Variants in CNIH2 observed in about 807,000 individuals in gnomAD.
CNIH2 encodes the protein cornichon family AMPA receptor auxiliary protein 2, also known as protein cornichon homolog 2.
A neutral mutation model predicts 22.9 loss-of-function variants in CNIH2; 8 were observed. The ratio of observed to expected loss-of-function variants is 0.35; its 90% CI spans 0.20 to 0.63. The LOEUF is 0.63. Among genes scored for constraint, CNIH2 ranks in the 30% least tolerant of loss-of-function variants. The pLI, the probability that CNIH2 is intolerant of heterozygous loss-of-function variation, is 0.72. For synonymous variants in CNIH2, 74 were observed against 78.2 expected, an observed-to-expected ratio of 0.95 and a Z score of 0.28; for missense variants, 105 against 206.2, an observed-to-expected ratio of 0.51 and a Z score of 3.01.
chr11:66,278,806 G>C (rs1485452310), intron 1 of CNIH2, among the ~76,000 whole-genome samples: 1 of 144,658 alleles, frequency 6.9e-6, no homozygotes, highest in African/African-American at 2.6e-5. Context: ...CATGCAGCCC[G>C]TGAGGTGGGG....
At chr11:66,282,573 T>G (rs1857276000) in intron 2 of CNIH2, 160 bp from the exon 3 acceptor site, 2 of 900,816 alleles carry the variant, frequency 2.2e-6, no homozygotes, top group South Asian at 1.6e-5. Context: ...CCTTCCATGG[T>G]GACGGTCGCC....
intron 1 of CNIH2, among the ~76,000 whole-genome samples, chr11:66,281,843 G>C (rs1037641600): frequency 6.6e-6 from 1 of 151,878 alleles, no homozygotes; most frequent in African/African-American, 2.4e-5. Flanking sequence ...ACAGGGTTAA[G>C]CGCCCACTCC....
At chr11:66,280,363 C>G (rs1236571226) in intron 1 of CNIH2, among the ~76,000 whole-genome samples, 1 of 152,240 alleles carries the variant, frequency 6.6e-6, no homozygotes, top group Non-Finnish European at 1.5e-5. Flanking sequence ...TCATTTGTCC[C>G]AAGTCTGGTT....
At chr11:66,279,491 C>T (rs1241777113) in intron 1 of CNIH2, among the ~76,000 whole-genome samples, 1 of 151,696 alleles carries the variant, frequency 6.6e-6, no homozygotes, top group Non-Finnish European at 1.5e-5. Context: ...ACAGCCTGCC[C>T]AGCTCGGCCC....
chr11:66,283,631 G>A lies in CNIH2; in HGVS notation c.*34G>A. ...CCGGCCAGGGAGCGAGCCCAGAACG[G>A]ACCGGACGCCTGTGCACCCCCAGCC... On this transcript the variant is annotated 3_prime_UTR_variant, in exon 6 of 6. Coordinates refer to ENST00000311445, the MANE Select transcript of CNIH2 (RefSeq NM_182553.3). The A allele has an allele frequency of 6.4e-7, 1 of 1,556,292 alleles. No individual in the cohort carries two copies.
intron 1 of CNIH2, 31 bp downstream of exon 1, chr11:66,278,568 C>T (rs745553755): frequency 2.7e-4 from 45 of 167,778 alleles, no homozygotes; most frequent in Non-Finnish European, 4.9e-4. Flanking sequence ...GGGCTGGGGG[C>T]GGGGTGGGGG....
chr11:66,282,777 G>A lies in CNIH2; in HGVS notation c.195G>A (p.Arg65=), dbSNP rs1473383852. The change falls in exon 3 of 6, where the codon AGG becomes AGA. Residue 65 remains arginine, a synonymous_variant. Transcript: ENST00000311445. ...KNIERICCLL[R]KLVVPEYSIH... is the part of the protein sequence containing the mutation. ...TCGAACGCATCTGCTGCCTCCTGAGGAAGGTCAGTGTCAGGGCTGGGGGCA... is the reference window on the plus strand; with the variant it reads ...TCGAACGCATCTGCTGCCTCCTGAGAAAGGTCAGTGTCAGGGCTGGGGGCA... 1.9e-6 allele frequency: 3 copies of A among 1,611,350 alleles called. No individual in the cohort carries two copies. The highest frequency in any genetic ancestry group is 2.5e-6 in the Non-Finnish European group (3 of 1,179,148).
chr11:66,280,849 G>C (rs1487791241), intron 1 of CNIH2, among the ~76,000 whole-genome samples: 1 of 152,150 alleles, frequency 6.6e-6, no homozygotes, highest in Non-Finnish European at 1.5e-5. Flanking sequence ...GGCCTGGGAT[G>C]CCTGGGGGTG....
intron 1 of CNIH2, among the ~76,000 whole-genome samples, chr11:66,280,566 G>A (rs563308214): frequency 1.3e-4 from 20 of 152,162 alleles, no homozygotes; most frequent in Non-Finnish European, 4.4e-5. Flanking sequence ...GGTGAGTGAC[G>A]CGTGTCAGCT....
chr11:66,282,429 G>GGGGGGGGGCCC, intron 2 of CNIH2, 102 bp downstream of exon 2: 1 of 479,446 alleles, frequency 2.1e-6, no homozygotes, highest in Non-Finnish European at 4.2e-6. Flanking sequence ...GGGGTGGGGG[G>GGGGGGGGGCCC]CCTACGGCCA....
Position 66,282,733 on chromosome 11 carries a change from C to G in CNIH2, c.151C>G (p.Arg51Gly). 1 of 1,613,718 alleles carries G rather than the reference C, an allele frequency of 6.2e-7. No individual in the cohort carries two copies. Among genetic ancestry groups the G allele is most frequent in the Non-Finnish European group, 8.5e-7 (1 of 1,179,952 alleles). The change falls in exon 3 of 6, where the codon CGC becomes GGC. Residue 51 changes from arginine (R) to glycine (G), a missense_variant and splice_region_variant. Arg to Gly is a moderately radical substitution (Grantham distance 125, BLOSUM62 -2). Coordinates refer to ENST00000311445, the MANE Select transcript of CNIH2 (RefSeq NM_182553.3). The stretch of plus-strand genomic sequence containing the variant: ...CGCGGCCTTTTCCTTCCCCCAACAG[C>G]GCGAGCGTTTAAAAAACATCGAACG... The part of the protein sequence containing the change: ...PIDQGNPARA[R>G]ERLKNIERIC...
chr11:66,278,690 C>A (rs1173104028), intron 1 of CNIH2, among the ~76,000 whole-genome samples, 153 bp downstream of exon 1: 1 of 151,484 alleles, frequency 6.6e-6, no homozygotes, highest in Non-Finnish European at 1.5e-5. Flanking sequence ...TAACACCCCC[C>A]GTGGTCGGCT....
At chr11:66,283,524 G>T in intron 5 of CNIH2, 46 bp from the exon 6 acceptor site, 2 of 1,606,208 alleles carry the variant, frequency 1.2e-6, no homozygotes, top group Non-Finnish European at 1.7e-6. Flanking sequence ...GCATCTGGGT[G>T]GCTGTGTGTG....
Position 66,282,502 on chromosome 11 carries a change from C to T in CNIH2, c.150+175C>T, listed in dbSNP as rs541216351. On this transcript the variant is annotated intron_variant, in intron 2 of 5. Transcript: ENST00000311445. ...CTGGCGCGGGCTCAGGGCTGAGTTCCTCTTGGCGGGGCGGTGGTTGCCAGG... is the reference window on the plus strand; with the variant it reads ...CTGGCGCGGGCTCAGGGCTGAGTTCTTCTTGGCGGGGCGGTGGTTGCCAGG... 26 of 912,488 alleles carry T rather than the reference C, an allele frequency of 2.8e-5. No individual in the cohort carries two copies. The Admixed American group carries it at 4.1e-4, about 14-fold the overall frequency. 56.5% of individuals were successfully genotyped at this position (912,488 alleles called of 1,614,324 possible).
chr11:66,280,693 C>T (rs1857247214), intron 1 of CNIH2, among the ~76,000 whole-genome samples: 1 of 152,164 alleles, frequency 6.6e-6, no homozygotes, highest in African/African-American at 2.4e-5. Context: ...ACAGACGGCA[C>T]CCTTCTGCTC....
At chr11:66,280,032 C>A (rs1328788402) in intron 1 of CNIH2, among the ~76,000 whole-genome samples, 2 of 152,240 alleles carry the variant, frequency 1.3e-5, no homozygotes, top group African/African-American at 4.8e-5. Flanking sequence ...GGGAGAAGGG[C>A]TCCTGGAATT....
chr11:66,283,016 C>G lies in CNIH2; in HGVS notation c.199-19C>G. 6.2e-7 allele frequency: 1 copy of G among 1,603,834 alleles called. No individual in the cohort carries two copies. The highest frequency in any genetic ancestry group is 1.1e-5 in the South Asian group (1 of 90,868). ...TGTCATAGCACCAGGCCGCTGACCT[C>G]TCACCCTCACTCCCCCAGCTGGTGG... On this transcript the variant is annotated intron_variant, in intron 3 of 5. Coordinates refer to ENST00000311445, the MANE Select transcript of CNIH2 (RefSeq NM_182553.3).
At chr11:66,282,363 T>C in intron 2 of CNIH2, 36 bp downstream of exon 2, 1 of 1,408,056 alleles carries the variant, frequency 7.1e-7, no homozygotes, top group Non-Finnish European at 9.5e-7. Flanking sequence ...GGTGTGTCCG[T>C]CCGTCTGTCT....
chr11:66,280,772 G>T (rs1388488122), intron 1 of CNIH2, among the ~76,000 whole-genome samples: 2 of 152,146 alleles, frequency 1.3e-5, no homozygotes, highest in African/African-American at 4.8e-5. Context: ...GGGCGGGGAG[G>T]GGGGATGATC....
Sources: allele counts gnomAD v4.1 joint callset (sites outside exome capture counted in the v4.1 genomes callset), GRCh38; gene constraint gnomAD v4.1.1; transcripts MANE v1.5; gene names NCBI Gene and HGNC (gene_info 2026-07-23, HGNC 2026-07-21).